KHDRBS2: variants seen among roughly 807,000 people sequenced by gnomAD.
KHDRBS2 encodes the protein KH domain-containing, RNA-binding, signal transduction-associated protein 2.
A neutral mutation model predicts 44.3 loss-of-function variants in KHDRBS2; 26 were observed. The observed-to-expected ratio is 0.59, with a 90% CI of 0.43 to 0.81. The LOEUF (loss-of-function observed/expected upper bound fraction) is 0.81, where lower values mean the gene tolerates loss of function less well. KHDRBS2 is among the 40% of genes least tolerant of loss of function. The probability of loss-of-function intolerance (pLI) is 0.00; values close to 1 mark genes in which losing one functional copy is unlikely to be tolerated. For missense variants in KHDRBS2, 476 were observed against 433.1 expected (o/e 1.10, Z -0.88); for synonymous variants, 194 against 151.1 (o/e 1.28, Z -2.08).
chr6:61,892,717 G>T (rs2127329976), intron 6 of KHDRBS2, among the ~76,000 whole-genome samples: 1 of 152,258 alleles, frequency 6.6e-6, no homozygotes, highest in African/African-American at 2.4e-5. Flanking sequence ...AGCTGAAACT[G>T]GATCCCTTCC....
chr6:61,597,904 T>G, the KHDRBS2 span, among the ~76,000 whole-genome samples: 10 of 132,402 alleles, frequency 7.6e-5, 1 homozygote, highest in Non-Finnish European at 1.3e-4. Context: ...AACATAGAGG[T>G]TTTTTTTGTG....
At chr6:61,638,940 A>G in the KHDRBS2 span, among the ~76,000 whole-genome samples, 127 of 152,198 alleles carry the variant, frequency 8.3e-4, 1 homozygote, top group African/African-American at 2.9e-3. Flanking sequence ...TGCTTTATGA[A>G]GTTCTCTCAG....
chr6:61,698,345 T>G (rs1233602322), intron 7 of KHDRBS2, among the ~76,000 whole-genome samples: 1 of 152,140 alleles, frequency 6.6e-6, no homozygotes, highest in Non-Finnish European at 1.5e-5. Context: ...TATTCATACT[T>G]ACTCCCTAGG....
chr6:62,168,673 A>G (rs928664856), intron 2 of KHDRBS2, among the ~76,000 whole-genome samples: 9 of 152,120 alleles, frequency 5.9e-5, no homozygotes, highest in Admixed American at 6.6e-5. Flanking sequence ...CATTAATATC[A>G]ACTTTATACC....
chr6:62,201,714 T>A (rs1827032172), intron 1 of KHDRBS2, among the ~76,000 whole-genome samples: 1 of 152,106 alleles, frequency 6.6e-6, no homozygotes, highest in African/African-American at 2.4e-5. Context: ...TAAACTATTA[T>A]ATAGTCATTT....
the KHDRBS2 span, among the ~76,000 whole-genome samples, chr6:61,559,983 T>C: frequency 2.0e-5 from 3 of 152,334 alleles, no homozygotes; most frequent in South Asian, 6.2e-4. Context: ...TTAGCATTTC[T>C]TGTAGGACAT....
intron 2 of KHDRBS2, among the ~76,000 whole-genome samples, chr6:62,157,356 C>T (rs208992): frequency 3.9e-5 from 6 of 151,918 alleles, no homozygotes; most frequent in Non-Finnish European, 7.4e-5. Flanking sequence ...GCCCAATGTG[C>T]GTATAATTTA....
At chr6:61,781,397 A>T (rs1021084722) in intron 6 of KHDRBS2, among the ~76,000 whole-genome samples, 2 of 152,112 alleles carry the variant, frequency 1.3e-5, no homozygotes, top group African/African-American at 4.8e-5. Context: ...ACCCAGGCTA[A>T]CCCTTTTCTA....
At chr6:61,884,666 C>T (rs780894422) in intron 6 of KHDRBS2, among the ~76,000 whole-genome samples, 1 of 146,814 alleles carries the variant, frequency 6.8e-6, no homozygotes, top group Non-Finnish European at 1.5e-5. Flanking sequence ...CCTTTACCTG[C>T]ACATAACAGT....
chr6:62,071,364 T>C (rs1168886719), intron 2 of KHDRBS2, among the ~76,000 whole-genome samples: 1 of 152,220 alleles, frequency 6.6e-6, no homozygotes, highest in Non-Finnish European at 1.5e-5. Flanking sequence ...ATTTGTCCAT[T>C]TTGGCTTTTG....
At chr6:61,550,197 C>T in the KHDRBS2 span, among the ~76,000 whole-genome samples, 1 of 152,080 alleles carries the variant, frequency 6.6e-6, no homozygotes, top group African/African-American at 2.4e-5. Context: ...CCTCGCCCTC[C>T]TCCCACCCTC....
At chr6:62,017,761 T>C (rs1208492847) in intron 3 of KHDRBS2, among the ~76,000 whole-genome samples, 1 of 152,120 alleles carries the variant, frequency 6.6e-6, no homozygotes, top group Non-Finnish European at 1.5e-5. Flanking sequence ...GATAACAATT[T>C]AGATTGTAAT....
intron 8 of KHDRBS2, among the ~76,000 whole-genome samples, chr6:61,685,665 A>C (rs1334803942): frequency 1.3e-5 from 2 of 151,814 alleles, no homozygotes; most frequent in Non-Finnish European, 2.9e-5. Context: ...CTGTGATAGA[A>C]GAATGTAAAT....
At chr6:61,928,055 G>C (rs906517339) in intron 4 of KHDRBS2, among the ~76,000 whole-genome samples, 3 of 151,962 alleles carry the variant, frequency 2.0e-5, no homozygotes, top group Non-Finnish European at 4.4e-5. Context: ...ATACCTGCTG[G>C]GTTCTGCTTA....
At chr6:62,004,731 T>A (rs752892017) in intron 3 of KHDRBS2, among the ~76,000 whole-genome samples, 43 of 152,240 alleles carry the variant, frequency 2.8e-4, no homozygotes, top group Non-Finnish European at 4.7e-4. Flanking sequence ...TTTAGACCAA[T>A]ATCCCTGATG....
chr6:61,928,353 T>C (rs1186133109), intron 4 of KHDRBS2, among the ~76,000 whole-genome samples: 5 of 152,144 alleles, frequency 3.3e-5, no homozygotes, highest in African/African-American at 1.2e-4. Context: ...TTATTCCTTC[T>C]TCTTATTTAC....
intron 4 of KHDRBS2, among the ~76,000 whole-genome samples, chr6:61,951,330 T>G (rs757864939): frequency 2.2e-4 from 34 of 152,102 alleles, no homozygotes; most frequent in Admixed American, 2.2e-3. Flanking sequence ...GACTGTAAAG[T>G]GGTGCTAAAA....
At chr6:61,777,615 G>A (rs947667186) in intron 6 of KHDRBS2, among the ~76,000 whole-genome samples, 4 of 152,104 alleles carry the variant, frequency 2.6e-5, no homozygotes, top group African/African-American at 9.7e-5. Flanking sequence ...AGCCTCCAGA[G>A]AGTTCCATGA....
intron 7 of KHDRBS2, among the ~76,000 whole-genome samples, chr6:61,723,772 AAAAAAGAATG>A (rs1487983753): frequency 3.3e-5 from 5 of 152,176 alleles, no homozygotes; most frequent in African/African-American, 9.6e-5. Flanking sequence ...AAGAATAGAG[AAAAAAGAATG>A]AAAAAGAATG....
Sources: gnomAD v4.1 joint callset for allele counts (sites outside exome capture counted in the v4.1 genomes callset) on GRCh38, gnomAD v4.1.1 for gene constraint, MANE v1.5 for transcripts, NCBI Gene and HGNC (gene_info 2026-07-23, HGNC 2026-07-21) for gene names.